Variants in NWD2 observed in about 807,000 individuals in gnomAD.
NWD2 encodes NACHT and WD repeat domain-containing protein 2.
NWD2 carries 37 observed loss-of-function variants against 132.7 expected under a neutral mutation model. The observed-to-expected ratio is 0.28, with a 90% CI of 0.21 to 0.37. NWD2 has a LOEUF of 0.37. Among genes scored for constraint, NWD2 ranks in the 10% least tolerant of loss-of-function variants. The pLI is 1.00. For missense variants in NWD2, 1,592 were observed against 2,122.4 expected, an observed-to-expected ratio of 0.75 and a Z score of 4.91; for synonymous variants, 705 against 803.0, an observed-to-expected ratio of 0.88 and a Z score of 2.06.
chr4:37,379,695 G>A (rs532479334), intron 3 of NWD2, among the ~76,000 whole-genome samples: 148 of 152,188 alleles, frequency 9.7e-4, no homozygotes, highest in African/African-American at 3.3e-3. Context: ...TGGCTCTCAG[G>A]GAGGTTTTGT....
chr4:37,344,807 T>C (rs1719599906), intron 2 of NWD2, among the ~76,000 whole-genome samples: 1 of 152,164 alleles, frequency 6.6e-6, no homozygotes. Flanking sequence ...GGAAAATCAA[T>C]TTTAGAACAT....
chr4:37,314,118 C>CA (rs1236098234), intron 1 of NWD2, among the ~76,000 whole-genome samples: 6 of 152,212 alleles, frequency 3.9e-5, no homozygotes, highest in African/African-American at 1.4e-4. Flanking sequence ...GATTTACAAA[C>CA]ATTAAAGTAA....
intron 3 of NWD2, among the ~76,000 whole-genome samples, chr4:37,369,175 T>A (rs1476041403): frequency 6.6e-6 from 1 of 152,166 alleles, no homozygotes; most frequent in Non-Finnish European, 1.5e-5. Context: ...GAGAAACTTA[T>A]GATCCAAAAT....
intron 1 of NWD2, among the ~76,000 whole-genome samples, chr4:37,297,217 A>G (rs1001674348): frequency 6.6e-6 from 1 of 152,122 alleles, no homozygotes; most frequent in African/African-American, 2.4e-5. Context: ...CTTATATGAG[A>G]TGGCATAATA....
Position 37,447,272 on chromosome 4 carries a change from A to C in NWD2, c.*55A>C. The C allele has an allele frequency of 7.6e-7, 1 of 1,311,024 alleles. No homozygotes were observed. Among genetic ancestry groups the C allele is most frequent in the Non-Finnish European group, 1.0e-6 (1 of 959,962 alleles). The allele number at this position is 1,311,024 out of a possible 1,614,324, so 81.2% of individuals were successfully genotyped here. ...GTGATCCACGTACAGAAGGGAAAAA[A>C]ATGTGCCCCAAATGATAAACTATTC... On this transcript the variant is annotated 3_prime_UTR_variant, in exon 7 of 7. Coordinates refer to ENST00000309447, the MANE Select transcript of NWD2 (RefSeq NM_001144990.2).
chr4:37,311,977 C>G (rs1283703004), intron 1 of NWD2, among the ~76,000 whole-genome samples: 4 of 150,984 alleles, frequency 2.6e-5, no homozygotes, highest in Non-Finnish European at 5.9e-5. Flanking sequence ...TGCTCTGTTC[C>G]ATTGATCTAT....
At chr4:37,302,049 C>T (rs75154629) in intron 1 of NWD2, among the ~76,000 whole-genome samples, 1,630 of 151,934 alleles carry the variant, frequency 0.011, 24 homozygotes, top group African/African-American at 0.037. Context: ...TACTATAAAA[C>T]GCTAGAAATT....
At chr4:37,432,364 G>GAAAAAAA (rs71185140) in intron 4 of NWD2, among the ~76,000 whole-genome samples, 1 of 138,570 alleles carries the variant, frequency 7.2e-6, no homozygotes, top group Non-Finnish European at 1.6e-5. Context: ...GGGTGAAGAA[G>GAAAAAAA]AAAAAAAAAA....
At position 37,321,033 on chromosome 4, in the gene NWD2, T is replaced by C. The variant is rs541465731; in HGVS notation, c.152-4903T>C. 8.9e-4 allele frequency among the ~76,000 whole-genome samples: 135 copies of C among 152,232 alleles called. 1 individual carries two copies. Among genetic ancestry groups the C allele is most frequent in the African/African-American group, 3.1e-3 (128 of 41,554 alleles). ...TTAACCAGGTGTGGTGGCACACACC[T>C]GTAATCCCAGCTACTAGGGAGGCTG... On this transcript the variant is annotated intron_variant, in intron 1 of 6. Coordinates refer to ENST00000309447, the MANE Select transcript of NWD2 (RefSeq NM_001144990.2).
In NWD2 at chr4:37,252,530, C is replaced by A. The variant is rs190614121; in HGVS notation, c.151+7312C>A. 2.8e-3 allele frequency among the ~76,000 whole-genome samples: 434 copies of A among 152,304 alleles called. 4 individuals are homozygous for A. The highest frequency in any genetic ancestry group is 4.3e-3 in the Non-Finnish European group (291 of 68,020). On this transcript the variant is annotated intron_variant, in intron 1 of 6. Coordinates refer to ENST00000309447, the MANE Select transcript of NWD2 (RefSeq NM_001144990.2). ...GAGTGGCTTAAAACAACAATGATTT[C>A]TTTCTCACAGTTCTGTGGTTGGTAT...
intron 3 of NWD2, among the ~76,000 whole-genome samples, chr4:37,399,253 C>T (rs1720859179): frequency 6.6e-6 from 1 of 152,156 alleles, no homozygotes; most frequent in African/African-American, 2.4e-5. Flanking sequence ...ATCACATTTT[C>T]ATTTCATGGG....
chr4:37,431,039 A>G (rs946779237), intron 4 of NWD2, among the ~76,000 whole-genome samples: 1 of 152,212 alleles, frequency 6.6e-6, no homozygotes, highest in Non-Finnish European at 1.5e-5. Flanking sequence ...GATGCGAAGA[A>G]AAAGGAACCC....
At chr4:37,268,339 G>A (rs1279202152) in intron 1 of NWD2, among the ~76,000 whole-genome samples, 4 of 151,956 alleles carry the variant, frequency 2.6e-5, no homozygotes, top group African/African-American at 4.8e-5. Flanking sequence ...CCTACTGGAA[G>A]CCATTCTGAA....
At chr4:37,281,697 G>A (rs1435375) in intron 1 of NWD2, among the ~76,000 whole-genome samples, 146,996 of 152,274 alleles carry the variant, frequency 0.97, 70,991 homozygotes, top group East Asian at 1. Context: ...TAAGTAAGTC[G>A]TGGAGATGGT....
At chr4:37,401,177 A>T (rs888493254) in intron 3 of NWD2, among the ~76,000 whole-genome samples, 2 of 152,130 alleles carry the variant, frequency 1.3e-5, no homozygotes, top group African/African-American at 2.4e-5. Context: ...CCCTAAACTT[A>T]TCTGTGCTCT....
chr4:37,298,624 T>A (rs1718549387), intron 1 of NWD2, among the ~76,000 whole-genome samples: 1 of 152,090 alleles, frequency 6.6e-6, no homozygotes, highest in South Asian at 2.1e-4. Flanking sequence ...TCTTCATTAT[T>A]TGCTAAGTGA....
At chr4:37,277,686 T>C (rs1320403590) in intron 1 of NWD2, among the ~76,000 whole-genome samples, 4 of 152,102 alleles carry the variant, frequency 2.6e-5, no homozygotes, top group Non-Finnish European at 4.4e-5. Flanking sequence ...ACAACTTCTT[T>C]CAAGTCTTTA....
chr4:37,346,026 G>GA (rs2109296731), intron 2 of NWD2, among the ~76,000 whole-genome samples: 1 of 150,190 alleles, frequency 6.7e-6, no homozygotes, highest in African/African-American at 2.5e-5. Context: ...AGGTTGTAGT[G>GA]AGCTGAAATC....
intron 1 of NWD2, among the ~76,000 whole-genome samples, chr4:37,313,776 G>A (rs952927362): frequency 2.6e-5 from 4 of 151,056 alleles, no homozygotes; most frequent in African/African-American, 9.9e-5. Context: ...TCAGCTCACT[G>A]CAACCTCTGC....
Sources: allele counts gnomAD v4.1 joint callset (sites outside exome capture counted in the v4.1 genomes callset), GRCh38; gene constraint gnomAD v4.1.1; transcripts MANE v1.5; gene names NCBI Gene and HGNC (gene_info 2026-07-23, HGNC 2026-07-21).